Variants in MAP3K7 observed in about 807,000 individuals in gnomAD.
MAP3K7 encodes mitogen-activated protein kinase kinase kinase 7, also known as TGF-beta activated kinase 1.
MAP3K7 carries 21 observed loss-of-function variants against 84.8 expected under a neutral mutation model. The ratio of observed to expected loss-of-function variants is 0.25; its 90% CI spans 0.18 to 0.36. The LOEUF is 0.36. Among genes scored for constraint, MAP3K7 ranks in the 10% least tolerant of loss-of-function variants. The pLI, the probability that MAP3K7 is intolerant of heterozygous loss-of-function variation, is 1.00. For synonymous variants in MAP3K7, 241 were observed against 247.7 expected, an observed-to-expected ratio of 0.97 and a Z score of 0.25; for missense variants, 503 against 747.7, an observed-to-expected ratio of 0.67 and a Z score of 3.82.
At chr6:90,544,469 T>A in intron 12 of MAP3K7, 83 bp downstream of exon 12, 1 of 1,203,036 alleles carries the variant, frequency 8.3e-7, no homozygotes, top group African/African-American at 1.5e-5. Context: ...TTGTAAAAAT[T>A]GGAGCAAGAA....
intron 12 of MAP3K7, among the ~76,000 whole-genome samples, chr6:90,542,976 G>A (rs904767820): frequency 7.3e-5 from 11 of 151,710 alleles, no homozygotes; most frequent in Admixed American, 1.3e-4. Flanking sequence ...CTTGTATAGC[G>A]TGGGCTACGC....
intron 1 of MAP3K7, among the ~76,000 whole-genome samples, chr6:90,577,111 G>A (rs766692400): frequency 2.6e-5 from 4 of 152,146 alleles, no homozygotes; most frequent in Admixed American, 1.3e-4. Context: ...CAATAGCTAC[G>A]AGGGCAAGGT....
chr6:90,549,693 A>T (rs1776121248), intron 9 of MAP3K7, among the ~76,000 whole-genome samples: 1 of 152,206 alleles, frequency 6.6e-6, no homozygotes, highest in South Asian at 2.1e-4. Context: ...CGTGGGAGAC[A>T]CAAATGATAG....
chr6:90,518,352 A>C (rs1164650356), intron 16 of MAP3K7, 95 bp downstream of exon 16: 3 of 684,304 alleles, frequency 4.4e-6, no homozygotes, highest in Non-Finnish European at 7.3e-6. Context: ...ATACTTAATG[A>C]CTAATTCTAA....
chr6:90,569,354 TG>T (rs886454320), intron 2 of MAP3K7, among the ~76,000 whole-genome samples: 12 of 152,194 alleles, frequency 7.9e-5, no homozygotes, highest in Non-Finnish European at 1.6e-4. Flanking sequence ...ACTGCTGCAG[TG>T]ATCATTATAG....
chr6:90,558,872 G>T (rs920117403), intron 5 of MAP3K7, among the ~76,000 whole-genome samples: 1 of 152,206 alleles, frequency 6.6e-6, no homozygotes, highest in Non-Finnish European at 1.5e-5. Flanking sequence ...TGCATCAGAT[G>T]CGTTCAGACT....
At chr6:90,540,682 C>T (rs1179498582) in intron 12 of MAP3K7, among the ~76,000 whole-genome samples, 1 of 151,818 alleles carries the variant, frequency 6.6e-6, no homozygotes, top group Non-Finnish European at 1.5e-5. Flanking sequence ...TCCTTAAATG[C>T]TATAACTACT....
intron 13 of MAP3K7, 46 bp from the exon 14 acceptor site, chr6:90,523,829 A>T (rs751486560): frequency 1.2e-5 from 13 of 1,099,142 alleles, no homozygotes; most frequent in Admixed American, 3.5e-5. Flanking sequence ...TTTTTTGATT[A>T]AAAAAAATGA....
chr6:90,567,674 G>GA (rs1776755075), intron 3 of MAP3K7, among the ~76,000 whole-genome samples: 1 of 152,120 alleles, frequency 6.6e-6, no homozygotes. Context: ...CAAGGATCTA[G>GA]AGTAGAAATA....
At chr6:90,569,463 T>C (rs780008177) in intron 2 of MAP3K7, among the ~76,000 whole-genome samples, 1 of 148,954 alleles carries the variant, frequency 6.7e-6, no homozygotes, top group Non-Finnish European at 1.5e-5. Flanking sequence ...CTTCTCTTAT[T>C]CTAGATCTCA....
At chr6:90,573,344 T>C (rs9362754) in intron 1 of MAP3K7, among the ~76,000 whole-genome samples, 6,048 of 152,260 alleles carry the variant, frequency 0.04, 151 homozygotes, top group African/African-American at 0.066. Context: ...TATAACAAAG[T>C]TGACTATAAC....
chr6:90,568,442 A>T, intron 3 of MAP3K7, 116 bp downstream of exon 3: 1 of 705,802 alleles, frequency 1.4e-6, no homozygotes, highest in Non-Finnish European at 2.3e-6. Flanking sequence ...GAAAAAATAT[A>T]ATATTTTTGA....
rs1774929608 is a variant in MAP3K7 at position 90,515,522 on chromosome 6, T to G, written c.*979A>C. The G allele has an allele frequency of 6.6e-6, 1 of 150,688 alleles. No homozygotes were observed. The highest frequency in any genetic ancestry group is 2.4e-5 in the African/African-American group (1 of 40,882). The allele number at this position is 150,688 out of a possible 1,614,324, so 9.3% of individuals were successfully genotyped here. A position where few individuals can be genotyped will look rare whatever the true frequency, so the allele number is the denominator to read the frequency against. Reference sequence around the variant, plus strand: ...ATTTGCTTCTTTAACTTCCTTCTGATTTGCCTGGTTTATTTCTCATTTGGT... The same window carrying G: ...ATTTGCTTCTTTAACTTCCTTCTGAGTTGCCTGGTTTATTTCTCATTTGGT... On this transcript the variant is annotated 3_prime_UTR_variant, in exon 17 of 17. Coordinates refer to ENST00000369329, the MANE Select transcript of MAP3K7 (RefSeq NM_145331.3).
intron 12 of MAP3K7, 121 bp from the exon 13 acceptor site, chr6:90,536,522 G>A (rs1482902797): frequency 6.1e-6 from 4 of 651,470 alleles, no homozygotes; most frequent in South Asian, 2.0e-5. Context: ...ATGTTTGTGG[G>A]GAAAAAAAAG....
At chr6:90,586,714 C>T (rs1425316530) in intron 1 of MAP3K7, 50 bp downstream of exon 1, 2 of 1,538,970 alleles carry the variant, frequency 1.3e-6, no homozygotes, top group East Asian at 2.5e-5. Context: ...CAGGCAGAGG[C>T]GGGGGCGGGG....
chr6:90,577,700 T>C (rs1473284240), intron 1 of MAP3K7, among the ~76,000 whole-genome samples: 2 of 152,222 alleles, frequency 1.3e-5, no homozygotes, highest in African/African-American at 2.4e-5. Context: ...CCAGTGGCTC[T>C]AAAAGTGTGG....
At chr6:90,584,353 C>T (rs1777373928) in intron 1 of MAP3K7, among the ~76,000 whole-genome samples, 1 of 151,988 alleles carries the variant, frequency 6.6e-6, no homozygotes, top group Non-Finnish European at 1.5e-5. Context: ...TCAGAAAGGT[C>T]CAAATTCAAT....
At chr6:90,575,006 A>C (rs1360475328) in intron 1 of MAP3K7, among the ~76,000 whole-genome samples, 1 of 152,236 alleles carries the variant, frequency 6.6e-6, no homozygotes. Context: ...AAAGGTGAAG[A>C]TGTCCAAGGT....
intron 16 of MAP3K7, among the ~76,000 whole-genome samples, chr6:90,516,947 T>C (rs1774985176): frequency 6.6e-6 from 1 of 151,858 alleles, no homozygotes; most frequent in Admixed American, 6.6e-5. Flanking sequence ...TTTCAGAAAA[T>C]TTCATTTTCT....
Sources: gnomAD v4.1 joint callset for allele counts (sites outside exome capture counted in the v4.1 genomes callset) on GRCh38, gnomAD v4.1.1 for gene constraint, MANE v1.5 for transcripts, NCBI Gene and HGNC (gene_info 2026-07-23, HGNC 2026-07-21) for gene names.